Variants in SUSD1 observed in about 807,000 individuals in gnomAD.
SUSD1 encodes the protein sushi domain-containing protein 1.
A neutral mutation model predicts 86.9 loss-of-function variants in SUSD1; 65 were observed. The observed-to-expected ratio is 0.75, with a 90% CI of 0.61 to 0.92. SUSD1 has a LOEUF of 0.92. SUSD1 is among the 40% of genes least tolerant of loss of function. The pLI is 0.00. For synonymous variants in SUSD1, 346 were observed against 350.0 expected (o/e 0.99, Z 0.13); for missense variants, 850 against 929.7 (o/e 0.91, Z 1.11).
chr9:112,086,121 T>C (rs1036285917), intron 10 of SUSD1, among the ~76,000 whole-genome samples: 5 of 151,148 alleles, frequency 3.3e-5, no homozygotes, highest in African/African-American at 1.2e-4. Flanking sequence ...CTTGGCAACA[T>C]AGCAAGACCC....
At chr9:112,167,773 C>T (rs1229930935) in intron 1 of SUSD1, among the ~76,000 whole-genome samples, 3 of 152,156 alleles carry the variant, frequency 2.0e-5, no homozygotes, top group Non-Finnish European at 1.5e-5. Context: ...AGTCTTTCTT[C>T]ATGCTGCTGA....
At chr9:112,136,925 C>G (rs1458114212) in intron 5 of SUSD1, among the ~76,000 whole-genome samples, 1 of 152,168 alleles carries the variant, frequency 6.6e-6, no homozygotes, top group African/African-American at 2.4e-5. Flanking sequence ...TGTGCATGAA[C>G]GTGCATGTTT....
Position 112,098,556 on chromosome 9 carries a change from G to A in SUSD1, c.1388C>T (p.Pro463Leu). 2 of 1,614,178 alleles carry A rather than the reference G, an allele frequency of 1.2e-6. No individual in the cohort carries two copies. Among genetic ancestry groups the A allele is most frequent in the Non-Finnish European group, 8.5e-7 (1 of 1,180,016 alleles). The change falls in exon 10 of 17, where the codon CCT becomes CTT. Residue 463 changes from proline to leucine, a missense_variant. Coordinates refer to ENST00000374270, the MANE Select transcript of SUSD1 (RefSeq NM_022486.5). The stretch of plus-strand genomic sequence containing the variant: ...CACATTCACCGTATAATCAGTCGTA[G>A]GGTACAGATCCAAACACACTACAGG... ...QVPVVCLDLY[P>L]TTDYTVNVTL...
Position 112,165,942 on chromosome 9 carries a change from GAAGAAAGAAAGA to G in SUSD1, c.104-8341_104-8330del, listed in dbSNP as rs10525522. On this transcript the variant is annotated intron_variant, in intron 1 of 16. Transcript: ENST00000374270. Reference sequence around the variant, plus strand: ...GAAAGAAAAGAAAGAAAGAAAGAAAGAAGAAAGAAAGAAAGAAAGAAAGAAAGAAAGAAAGAA... The same window carrying G: ...GAAAGAAAAGAAAGAAAGAAAGAAAGAAGAAAGAAAGAAAGAAAGAAAGAA... Among the ~76,000 whole-genome samples, 246 of 71,962 alleles carry G rather than the reference GAAGAAAGAAAGA, an allele frequency of 3.4e-3. 1 individual carries two copies. Among genetic ancestry groups the G allele is most frequent in the African/African-American group, 0.011 (204 of 18,220 alleles). The allele number at this position is 71,962 out of a possible 152,430, so 47.2% of individuals were successfully genotyped here.
intron 8 of SUSD1, among the ~76,000 whole-genome samples, chr9:112,103,790 A>T (rs551779565): frequency 2.0e-5 from 3 of 152,276 alleles, no homozygotes; most frequent in Admixed American, 2.0e-4. Flanking sequence ...AGACCCTAAG[A>T]CCTACTATGC....
In SUSD1 at chr9:112,153,352, G is replaced by A. The variant is rs1020048597; in HGVS notation, c.218-3953C>T. Among the ~76,000 whole-genome samples, 6 of 151,976 alleles carry A rather than the reference G, an allele frequency of 3.9e-5. 1 individual carries two copies. The South Asian group carries it at 1.2e-3, about 32-fold the overall frequency. On this transcript the variant is annotated intron_variant, in intron 2 of 16. Transcript: ENST00000374270. ...TAGGCCTACACATGGTCAGGATCAT[G>A]TTATCACTGTCTTCCGCTTCCACAT...
At chr9:112,065,253 T>C (rs1828925107) in intron 12 of SUSD1, among the ~76,000 whole-genome samples, 1 of 152,182 alleles carries the variant, frequency 6.6e-6, no homozygotes, top group Non-Finnish European at 1.5e-5. Flanking sequence ...CCAGGGACAG[T>C]GGCTCATGCC....
At chr9:112,157,258 C>G (rs143628974) in intron 2 of SUSD1, among the ~76,000 whole-genome samples, 3 of 152,202 alleles carry the variant, frequency 2.0e-5, no homozygotes, top group Admixed American at 6.5e-5. Context: ...GTGTTAGGTC[C>G]CAGAGTTTCC....
intron 16 of SUSD1, 72 bp downstream of exon 16, chr9:112,041,795 G>T: frequency 3.5e-6 from 5 of 1,448,170 alleles, no homozygotes; most frequent in Non-Finnish European, 4.8e-6. Flanking sequence ...CTCATCCCCA[G>T]CTGTTCTTCG....
intron 3 of SUSD1, among the ~76,000 whole-genome samples, chr9:112,148,736 T>A (rs1832912816): frequency 6.6e-6 from 1 of 151,924 alleles, no homozygotes; most frequent in African/African-American, 2.4e-5. Flanking sequence ...CAAAACCGCA[T>A]CTCTACCAAA....
intron 8 of SUSD1, among the ~76,000 whole-genome samples, chr9:112,107,254 C>CAAAAAAAAAAAAAAAAAAAA (rs71382407): frequency 6.0e-5 from 4 of 66,190 alleles, no homozygotes; most frequent in Non-Finnish European, 1.1e-4. Flanking sequence ...GACCATATCT[C>CAAAAAAAAAAAAAAAAAAAA]AAAAAAAAAA....
At position 112,063,003 on chromosome 9, in the gene SUSD1, G is replaced by A. The variant is rs750359146; in HGVS notation, c.1784C>T (p.Thr595Met). The A allele has an allele frequency of 2.7e-5, 43 of 1,612,656 alleles. No individual in the cohort carries two copies. Among genetic ancestry groups the A allele is most frequent in the African/African-American group, 1.2e-4 (9 of 74,862 alleles). ...GCGTGGTAGAGGTCCTCTGTGCACC[G>A]TAAAAAATTCTACTTCCGGGAGGGG... is the stretch of plus-strand genomic sequence containing the variant. ...EPPLPEVEFFTVHRGPLPRLR... is the reference protein window; with the variant it reads ...EPPLPEVEFFMVHRGPLPRLR... Residue 595 changes from threonine (T) to methionine (M), a missense_variant, in exon 13 of 17, where the codon ACG becomes ATG. By Grantham distance (81) the Thr-to-Met change is moderately conservative. Coordinates refer to ENST00000374270, the MANE Select transcript of SUSD1 (RefSeq NM_022486.5).
At chr9:112,099,025 CT>C (rs1830515811) in intron 9 of SUSD1, among the ~76,000 whole-genome samples, 1 of 30,174 alleles carries the variant, frequency 3.3e-5, no homozygotes. Context: ...TTCTCTCTCT[CT>C]CTCTCTCTCT....
intron 8 of SUSD1, among the ~76,000 whole-genome samples, chr9:112,111,057 C>T (rs1307868390): frequency 1.3e-5 from 2 of 152,082 alleles, no homozygotes; most frequent in African/African-American, 2.4e-5. Flanking sequence ...GGTGCAATCT[C>T]GGTTCACTCA....
chr9:112,074,430 C>T (rs553610825), intron 12 of SUSD1, among the ~76,000 whole-genome samples: 3 of 152,282 alleles, frequency 2.0e-5, no homozygotes, highest in African/African-American at 7.2e-5. Context: ...CCATCTCACC[C>T]ACCCCCTCGC....
At chr9:112,075,410 TA>T (rs71274274) in intron 12 of SUSD1, among the ~76,000 whole-genome samples, 1,523 of 148,738 alleles carry the variant, frequency 0.01, 16 homozygotes, top group African/African-American at 0.027. Flanking sequence ...AGAAAGAAAA[TA>T]AAAAAAAAAT....
At chr9:112,174,930 A>C (rs1159917576) in intron 1 of SUSD1, among the ~76,000 whole-genome samples, 1 of 150,868 alleles carries the variant, frequency 6.6e-6, no homozygotes, top group Non-Finnish European at 1.5e-5. Flanking sequence ...GGGCGGGGGC[A>C]GGGAAGCCCG....
intron 12 of SUSD1, among the ~76,000 whole-genome samples, chr9:112,071,356 A>G (rs1829260586): frequency 1.3e-5 from 2 of 152,088 alleles, no homozygotes; most frequent in Admixed American, 6.6e-5. Context: ...GCTACTTGGG[A>G]GGCTGAGGCA....
chr9:112,175,275 C>A lies in SUSD1; in HGVS notation c.-40G>T. ...CTCCCGGCGCGCCCGCGCCTCCTCC[C>A]GGGGCCCTCAGGGTGCAGAGATAAG... is the stretch of plus-strand genomic sequence containing the variant. On this transcript the variant is annotated 5_prime_UTR_variant, in exon 1 of 17. Transcript: ENST00000374270. This position sits in a 1 kb window ranked among gnomAD's most constrained non-coding sequence, Gnocchi z 4.7. The A allele has an allele frequency of 8.8e-7, 1 of 1,135,032 alleles. No individual in the cohort carries two copies. Among genetic ancestry groups the A allele is most frequent in the South Asian group, 4.3e-5 (1 of 23,184 alleles). The allele number at this position is 1,135,032 out of a possible 1,614,324, so 70.3% of individuals were successfully genotyped here. A position where few individuals can be genotyped will look rare whatever the true frequency, so the allele number is the denominator to read the frequency against.
Sources: allele counts gnomAD v4.1 joint callset (sites outside exome capture counted in the v4.1 genomes callset), GRCh38; gene constraint gnomAD v4.1.1; non-coding constraint Gnocchi (gnomAD v3.1); transcripts MANE v1.5; gene names NCBI Gene and HGNC (gene_info 2026-07-23, HGNC 2026-07-21).